Variants in RPLP2 observed in about 807,000 individuals in gnomAD.
The protein encoded by RPLP2 is ribosomal protein lateral stalk subunit P2.
RPLP2 carries 1 observed loss-of-function variant against 11.5 expected under a neutral mutation model. The ratio of observed to expected loss-of-function variants is 0.09; its 90% CI spans 0.03 to 0.41. The LOEUF (loss-of-function observed/expected upper bound fraction) is 0.41, where lower values mean the gene tolerates loss of function less well. RPLP2 is among the 10% of genes least tolerant of loss of function. The probability of loss-of-function intolerance (pLI) is 0.98; values close to 1 mark genes in which losing one functional copy is unlikely to be tolerated. For missense variants in RPLP2, 177 were observed against 145.6 expected (o/e 1.22, Z -1.11); for synonymous variants, 82 against 55.9 (o/e 1.47, Z -2.08).
chr11:810,488 G>T, intron 2 of RPLP2, 131 bp downstream of exon 2: 1 of 902,762 alleles, frequency 1.1e-6, no homozygotes, highest in Non-Finnish European at 1.6e-6. Flanking sequence ...GCGATTTCTT[G>T]GATAGAGAAG....
rs750559643 is a variant in RPLP2, at chr11:811,587, T to C, written c.124-10T>C. 1.9e-6 allele frequency: 3 copies of C among 1,614,202 alleles called. No individual in the cohort carries two copies. The South Asian group carries it at 3.3e-5, about 18-fold the overall frequency. ...ATTCCTGGTAACAGCCCTGTGATTG[T>C]CTGCTTCAGGTTATCAGTGAGCTGA... is the stretch of plus-strand genomic sequence containing the variant. On this transcript the variant is annotated splice_polypyrimidine_tract_variant and intron_variant, in intron 2 of 4. Transcript: ENST00000321153.
chr11:810,345 C>T lies in RPLP2; in HGVS notation c.111C>T (p.Asp37=). The change falls in exon 2 of 5, where the codon GAC becomes GAT. Residue 37 remains aspartate, a synonymous_variant. Coordinates refer to ENST00000321153, the MANE Select transcript of RPLP2 (RefSeq NM_001004.4). ...GCGTGGGTATCGAGGCGGACGACGA[C>T]CGGCTCAACAAGGTAGCGGCCGCCC... The part of the protein sequence containing the change: ...LDSVGIEADD[D]RLNKVISELN... The T allele has an allele frequency of 1.2e-6, 2 of 1,607,434 alleles. No homozygotes were observed. Among genetic ancestry groups the T allele is most frequent in the Non-Finnish European group, 1.7e-6 (2 of 1,177,628 alleles).
chr11:811,826 G>A, intron 3 of RPLP2, 181 bp downstream of exon 3: 1 of 808,432 alleles, frequency 1.2e-6, no homozygotes, highest in East Asian at 2.4e-5. Context: ...CAGGAGCAGG[G>A]CAGCAGGGGG....
In RPLP2 at chr11:810,246, C is replaced by G. The variant is rs1323752750; in HGVS notation, c.12C>G (p.Val4=). MRY[V]ASYLLAALGG... ...CCGCCCGCCTCAGGATGCGCTACGT[C>G]GCCTCCTACCTGCTGGCTGCCCTAG... Residue 4 remains valine, a synonymous_variant, in exon 2 of 5, where the codon GTC becomes GTG. Coordinates refer to ENST00000321153, the MANE Select transcript of RPLP2 (RefSeq NM_001004.4). 1.9e-6 allele frequency: 3 copies of G among 1,581,820 alleles called. No homozygotes were observed. Among genetic ancestry groups the G allele is most frequent in the Middle Eastern group, 2.2e-4 (1 of 4,470 alleles).
chr11:810,515 C>T (rs1026764672), intron 2 of RPLP2, 158 bp downstream of exon 2: 24 of 671,882 alleles, frequency 3.6e-5, no homozygotes, highest in Non-Finnish European at 5.4e-5. Context: ...GGGCGGAGGT[C>T]GGGCGCGGTG....
At chr11:811,853 C>T (rs60326265) in intron 3 of RPLP2, 31,958 of 774,276 alleles carry the variant, frequency 0.041, 2,470 homozygotes, top group East Asian at 0.25. Context: ...GTGTTCTCAG[C>T]AGACGTTTAG....
intron 2 of RPLP2, among the ~76,000 whole-genome samples, chr11:811,142 A>T (rs538745729): frequency 2.6e-5 from 4 of 152,256 alleles, no homozygotes; most frequent in African/African-American, 9.6e-5. Context: ...GTGCCACTGC[A>T]GTCTAACAGA....
At position 811,007 on chromosome 11, in the gene RPLP2, CAAAA is replaced by C. The variant is rs56150719; in HGVS notation, c.124-572_124-569del. On this transcript the variant is annotated intron_variant, in intron 2 of 4. Transcript: ENST00000321153. ...AAAACATTGCAAGACCCGGTCTCCACAAAAAAAAAAAAAAAAAAAAATGGTTGGA... is the reference window on the plus strand; with the variant it reads ...AAAACATTGCAAGACCCGGTCTCCACAAAAAAAAAAAAAAAAATGGTTGGA... Among the ~76,000 whole-genome samples the C allele has an allele frequency of 1.0e-4, 9 of 90,356 alleles. No homozygotes were observed. The South Asian group carries it at 1.5e-3, about 15-fold the overall frequency. The allele number at this position is 90,356 out of a possible 152,430, so 59.3% of individuals were successfully genotyped here.
chr11:812,672 T>C, intron 4 of RPLP2, 39 bp downstream of exon 4: 11 of 1,612,004 alleles, frequency 6.8e-6, no homozygotes, highest in Non-Finnish European at 8.5e-6. Context: ...GGGCTGGGGC[T>C]CAGACGGTGT....
Position 811,858 on chromosome 11 carries a change from G to T in RPLP2, c.172+213G>T, listed in dbSNP as rs778129574. On this transcript the variant is annotated intron_variant, in intron 3 of 4. Transcript: ENST00000321153. ...GGGGCACCCTGTGTTCTCAGCAGAC[G>T]TTTAGGTGGCCCTGCCTCTTAAGCC... is the stretch of plus-strand genomic sequence containing the variant. 6.5e-6 allele frequency: 5 copies of T among 767,484 alleles called. No homozygotes were observed. In the Admixed American group the frequency reaches 6.8e-5, roughly 10 times the overall value. 47.5% of individuals were successfully genotyped at this position (767,484 alleles called of 1,614,324 possible).
intron 2 of RPLP2, among the ~76,000 whole-genome samples, chr11:810,697 G>A (rs1866007430): frequency 6.6e-6 from 1 of 151,870 alleles, no homozygotes; most frequent in South Asian, 2.1e-4. Context: ...GGAGGCTGAG[G>A]CAGGAAAATC....
chr11:811,189 C>A (rs983009617), intron 2 of RPLP2, among the ~76,000 whole-genome samples: 2 of 152,024 alleles, frequency 1.3e-5, no homozygotes, highest in African/African-American at 4.8e-5. Flanking sequence ...AAAAAATTAG[C>A]CAGGCTTGGT....
At chr11:811,681 T>C (rs1239260046) in intron 3 of RPLP2, 36 bp downstream of exon 3, 1 of 1,613,950 alleles carries the variant, frequency 6.2e-7, no homozygotes, top group Non-Finnish European at 8.5e-7. Flanking sequence ...TTTGTTTTCA[T>C]GGTCCATCCT....
In RPLP2 at chr11:812,573, G is replaced by T. The variant is rs749459062; in HGVS notation, c.211G>T (p.Val71Leu). The change falls in exon 4 of 5, where the codon GTA (valine) becomes TTA (leucine). Residue 71 changes from valine to leucine, a missense_variant. Physicochemically the swap from Val to Leu is conservative, Grantham distance 32 (BLOSUM62 1). Transcript: ENST00000321153. ...KLASVPAGGA[V>L]AVSAAPGSAA... is the part of the protein sequence containing the mutation. The stretch of plus-strand genomic sequence containing the variant: ...TGCCAGTGTACCTGCTGGTGGGGCT[G>T]TAGCCGTCTCTGCTGCCCCAGGCTC... 1 of 1,609,586 alleles carries T rather than the reference G, an allele frequency of 6.2e-7. No individual in the cohort carries two copies. Among genetic ancestry groups the T allele is most frequent in the South Asian group, 1.1e-5 (1 of 90,990 alleles).
Position 812,779 on chromosome 11 carries a change from G to T in RPLP2, c.291G>T (p.Glu97Asp). Residue 97 changes from glutamate to aspartate, a missense_variant, in exon 5 of 5, where the codon GAG (glutamate) becomes GAT (aspartate). Physicochemically the swap from Glu to Asp is conservative, Grantham distance 45 (BLOSUM62 2). Transcript: ENST00000321153. ...APAAAEEKKD[E>D]KKEESEESDD... Reference sequence around the variant, plus strand: ...CCACAGCAGAGGAGAAGAAAGATGAGAAGAAGGAGGAGTCTGAAGAGTCAG... The same window carrying T: ...CCACAGCAGAGGAGAAGAAAGATGATAAGAAGGAGGAGTCTGAAGAGTCAG... The T allele has an allele frequency of 6.2e-7, 1 of 1,613,762 alleles. No homozygotes were observed. The highest frequency in any genetic ancestry group is 8.5e-7 in the Non-Finnish European group (1 of 1,179,888).
rs1565078210 is a variant in RPLP2 at position 810,377 on chromosome 11, C to CG, written c.123+21dup. ...AACAAGGTAGCGGCCGCCCTTGCCC[C>CG]GCAGCCGCCGTGGGGCCCCAGTGTC... On this transcript the variant is annotated intron_variant, in intron 2 of 4. Coordinates refer to ENST00000321153, the MANE Select transcript of RPLP2 (RefSeq NM_001004.4). The CG allele has an allele frequency of 4.4e-6, 7 of 1,599,488 alleles. No individual in the cohort carries two copies. The highest frequency in any genetic ancestry group is 6.0e-6 in the Non-Finnish European group (7 of 1,173,794).
At position 810,309 on chromosome 11, in the gene RPLP2, G is replaced by C. The variant is rs1165288752; in HGVS notation, c.75G>C (p.Lys25Asn). The change falls in exon 2 of 5, where the codon AAG (lysine) becomes AAC (asparagine). Residue 25 changes from lysine to asparagine, a missense_variant. Transcript: ENST00000321153. ...CCCCCAGCGCCAAGGACATCAAGAA[G>C]ATCTTGGACAGCGTGGGTATCGAGG... ...NSSPSAKDIK[K>N]ILDSVGIEAD... The C allele has an allele frequency of 6.2e-7, 1 of 1,609,616 alleles. No individual in the cohort carries two copies. Among genetic ancestry groups the C allele is most frequent in the Non-Finnish European group, 8.5e-7 (1 of 1,178,576 alleles).
chr11:811,506 G>A (rs568403036), intron 2 of RPLP2, 91 bp from the exon 3 acceptor site: 1 of 1,524,554 alleles, frequency 6.6e-7, no homozygotes, highest in Non-Finnish European at 9.1e-7. Context: ...TTCCCATGTG[G>A]GGAACCCAGT....
intron 3 of RPLP2, 34 bp downstream of exon 3, chr11:811,679 C>G (rs749526172): frequency 5.0e-6 from 8 of 1,614,010 alleles, no homozygotes; most frequent in East Asian, 2.2e-5. Flanking sequence ...CGTTTGTTTT[C>G]ATGGTCCATC....
Sources: gnomAD v4.1 joint callset for allele counts (sites outside exome capture counted in the v4.1 genomes callset) on GRCh38, gnomAD v4.1.1 for gene constraint, MANE v1.5 for transcripts, NCBI Gene and HGNC (gene_info 2026-07-23, HGNC 2026-07-21) for gene names.